MARCHF1: variants seen among roughly 807,000 people sequenced by gnomAD.
The protein encoded by MARCHF1 is E3 ubiquitin-protein ligase MARCHF1.
Under a neutral mutation model 54.2 loss-of-function variants are expected in MARCHF1, and 40 were observed. The observed-to-expected ratio is 0.74, with a 90% CI of 0.57 to 0.96. MARCHF1 has a LOEUF of 0.96. Among genes scored for constraint, MARCHF1 ranks in the 40% least tolerant of loss-of-function variants. MARCHF1 has a pLI of 0.00. For synonymous variants in MARCHF1, 236 were observed against 236.3 expected (o/e 1.00, Z 0.01); for missense variants, 586 against 656.5 (o/e 0.89, Z 1.17).
At chr4:163,994,714 A>G (rs1458921808) in intron 2 of MARCHF1, among the ~76,000 whole-genome samples, 2 of 149,418 alleles carry the variant, frequency 1.3e-5, no homozygotes, top group Non-Finnish European at 3.0e-5. Context: ...GGAGTCCTGG[A>G]CCTAACAGTC....
intron 4 of MARCHF1, among the ~76,000 whole-genome samples, chr4:163,734,587 A>G (rs142833539): frequency 2.0e-5 from 3 of 151,360 alleles, no homozygotes; most frequent in African/African-American, 7.2e-5. Flanking sequence ...GTAATGTTCC[A>G]ATTCTAAGGT....
intron 9 of MARCHF1, chr4:163,530,307 T>C (rs1341592978): frequency 6.6e-6 from 1 of 152,012 alleles, no homozygotes; most frequent in African/African-American, 2.4e-5. Flanking sequence ...TCTTGACTTT[T>C]ATTTAGCTCA....
chr4:163,701,129 T>C (rs1196786771), intron 4 of MARCHF1, among the ~76,000 whole-genome samples: 1 of 152,166 alleles, frequency 6.6e-6, no homozygotes, highest in Non-Finnish European at 1.5e-5. Context: ...CAGGAAATAA[T>C]TATTTCTCCA....
At chr4:163,531,606 CAAG>C (rs1738354068) in intron 9 of MARCHF1, among the ~76,000 whole-genome samples, 1 of 151,714 alleles carries the variant, frequency 6.6e-6, no homozygotes, top group African/African-American at 2.4e-5. Context: ...TGCAATAAAA[CAAG>C]AATAATAAAA....
chr4:163,924,373 C>A (rs1342031738), intron 3 of MARCHF1, among the ~76,000 whole-genome samples: 1 of 151,968 alleles, frequency 6.6e-6, no homozygotes, highest in African/African-American at 2.4e-5. Context: ...GGAAAAGAGG[C>A]AGACTTGCAT....
chr4:164,017,236 T>A (rs1753562334), intron 2 of MARCHF1, among the ~76,000 whole-genome samples: 2 of 152,046 alleles, frequency 1.3e-5, no homozygotes, highest in Non-Finnish European at 2.9e-5. Flanking sequence ...ACAAACAAAC[T>A]GAGGGCTTTC....
rs951646000 is a variant in MARCHF1 at position 163,525,348 on chromosome 4, C to T, written c.*3400G>A. The T allele has an allele frequency of 7.2e-5, 11 of 152,170 alleles. No individual in the cohort carries two copies. Among genetic ancestry groups the T allele is most frequent in the South Asian group, 2.1e-4 (1 of 4,822 alleles). 9.4% of individuals were successfully genotyped at this position (152,170 alleles called of 1,614,324 possible). On this transcript the variant is annotated 3_prime_UTR_variant, in exon 10 of 10. Transcript: ENST00000514618. ...GGTCGTCTGTCTGGGACTATAATCA[C>T]GTGTAGAAGCAGCGCAGAGTGAGAT...
intron 3 of MARCHF1, among the ~76,000 whole-genome samples, chr4:163,976,307 C>T (rs1297828295): frequency 1.3e-5 from 2 of 152,092 alleles, no homozygotes; most frequent in Non-Finnish European, 2.9e-5. Flanking sequence ...CCCAAGAAAA[C>T]TTATCTGCAG....
rs142313043 is a variant in MARCHF1, at chr4:163,616,303, G to A, written c.163-2910C>T. Reference sequence around the variant, plus strand: ...CTGCACAACAAAGAAAACAATCAACGTAGTGAAGAGACAGTCTGTAGCATG... The same window carrying A: ...CTGCACAACAAAGAAAACAATCAACATAGTGAAGAGACAGTCTGTAGCATG... On this transcript the variant is annotated intron_variant, in intron 5 of 9. Transcript: ENST00000514618. 2.9e-3 allele frequency among the ~76,000 whole-genome samples: 445 copies of A among 152,190 alleles called. 1 individual carries two copies. Among genetic ancestry groups the A allele is most frequent in the African/African-American group, 0.01 (423 of 41,542 alleles).
intron 2 of MARCHF1, among the ~76,000 whole-genome samples, chr4:164,011,019 G>A (rs1007850053): frequency 1.1e-4 from 16 of 152,104 alleles, no homozygotes; most frequent in African/African-American, 3.4e-4. Context: ...TGAAAGCAAA[G>A]TCTCTTCAAT....
chr4:163,785,893 TG>T (rs1207121941), intron 4 of MARCHF1, among the ~76,000 whole-genome samples: 2 of 152,034 alleles, frequency 1.3e-5, no homozygotes, highest in Admixed American at 1.3e-4. Flanking sequence ...TGGATTATTT[TG>T]GTGGGCCCAA....
At chr4:164,143,805 C>G (rs149893753) in intron 1 of MARCHF1, among the ~76,000 whole-genome samples, 57,933 of 151,938 alleles carry the variant, frequency 0.38, 12,297 homozygotes, top group Non-Finnish European at 0.49. Context: ...ATGACAGGAT[C>G]AAATTCACAC....
chr4:163,645,231 T>C (rs1415213008), intron 5 of MARCHF1, among the ~76,000 whole-genome samples: 2 of 152,186 alleles, frequency 1.3e-5, no homozygotes, highest in Non-Finnish European at 2.9e-5. Context: ...GACCCATCCA[T>C]GTCCACCAGA....
intron 2 of MARCHF1, among the ~76,000 whole-genome samples, chr4:164,103,258 G>A (rs1458694801): frequency 2.7e-5 from 2 of 75,016 alleles, no homozygotes; most frequent in Admixed American, 1.6e-4. Flanking sequence ...CTCTGCACCA[G>A]GTGGACCTAA....
At chr4:164,241,466 A>C (rs1324490312) in intron 1 of MARCHF1, among the ~76,000 whole-genome samples, 1 of 152,108 alleles carries the variant, frequency 6.6e-6, no homozygotes, top group Non-Finnish European at 1.5e-5. Context: ...TTTTTTGACA[A>C]TAGTTTGCCT....
chr4:163,531,017 A>AC (rs961846845), intron 9 of MARCHF1, among the ~76,000 whole-genome samples: 12 of 151,922 alleles, frequency 7.9e-5, no homozygotes, highest in Non-Finnish European at 1.2e-4. Context: ...AGCAGAAAGC[A>AC]CCAAGCTCAA....
At chr4:164,289,682 T>C (rs1288052694) in intron 1 of MARCHF1, among the ~76,000 whole-genome samples, 1 of 151,602 alleles carries the variant, frequency 6.6e-6, no homozygotes, top group African/African-American at 2.4e-5. Flanking sequence ...CCCTCACATC[T>C]ATCTAATCAA....
chr4:163,749,428 G>C (rs199626614), intron 4 of MARCHF1, among the ~76,000 whole-genome samples: 1 of 150,234 alleles, frequency 6.7e-6, no homozygotes, highest in Non-Finnish European at 1.5e-5. Context: ...TTTTCTTTTT[G>C]TACTGCCTTC....
At chr4:164,057,515 T>C (rs1484729442) in intron 2 of MARCHF1, among the ~76,000 whole-genome samples, 1 of 152,232 alleles carries the variant, frequency 6.6e-6, no homozygotes, top group Non-Finnish European at 1.5e-5. Context: ...ATATGTTTTG[T>C]GGCACTTCCA....
Sources: gnomAD v4.1 joint callset for allele counts (sites outside exome capture counted in the v4.1 genomes callset) on GRCh38, gnomAD v4.1.1 for gene constraint, MANE v1.5 for transcripts, NCBI Gene and HGNC (gene_info 2026-07-23, HGNC 2026-07-21) for gene names.